ZFAT: variants seen among roughly 807,000 people sequenced by gnomAD.
ZFAT encodes the protein zinc finger protein ZFAT.
A neutral mutation model predicts 117.7 loss-of-function variants in ZFAT; 64 were observed. That is an observed-to-expected ratio of 0.54 (90% CI 0.44 to 0.67). ZFAT has a LOEUF of 0.67. Ranked by LOEUF, ZFAT falls within the 30% of genes least tolerant of loss-of-function variation. ZFAT has a pLI of 0.00. For missense variants in ZFAT, 1,433 were observed against 1,584.5 expected (o/e 0.90, Z 1.62); for synonymous variants, 679 against 615.0 (o/e 1.10, Z -1.54).
chr8:134,568,759 T>TA (rs1824663645), intron 10 of ZFAT, among the ~76,000 whole-genome samples: 1 of 152,234 alleles, frequency 6.6e-6, no homozygotes, highest in African/African-American at 2.4e-5. Flanking sequence ...CAGCAACCAC[T>TA]GCCAGCACCT....
the ZFAT span, among the ~76,000 whole-genome samples, chr8:134,757,680 G>T: frequency 1.3e-5 from 2 of 152,164 alleles, no homozygotes; most frequent in Non-Finnish European, 2.9e-5. Flanking sequence ...GGGTACCAAT[G>T]ATTTGATGGA....
intron 1 of ZFAT, among the ~76,000 whole-genome samples, chr8:134,668,334 C>T (rs1260554527): frequency 6.6e-6 from 1 of 152,336 alleles, no homozygotes; most frequent in Admixed American, 6.5e-5. Context: ...CCTGAGTAGC[C>T]TAACTGGGAG....
At chr8:134,731,834 A>C in the ZFAT span, among the ~76,000 whole-genome samples, 2 of 152,256 alleles carry the variant, frequency 1.3e-5, no homozygotes, top group Non-Finnish European at 2.9e-5. Flanking sequence ...TGGCTCCCAG[A>C]AAGGAAAGGG....
intron 5 of ZFAT, among the ~76,000 whole-genome samples, chr8:134,605,553 CAAAA>C (rs747188059): frequency 3.3e-5 from 3 of 89,612 alleles, no homozygotes; most frequent in African/African-American, 3.8e-5. Flanking sequence ...GACCCCATCT[CAAAA>C]AAAAAAAAAA....
In ZFAT at chr8:134,712,772, C is replaced by G. The variant is rs559353479; in HGVS notation, c.19+73G>C. The stretch of plus-strand genomic sequence containing the variant: ...GCGCACTGCTTCCCGACTCGACGCT[C>G]GAAACGGCTTTCCGCGCGCCGCGCC... On this transcript the variant is annotated intron_variant, in intron 1 of 15. Transcript: ENST00000377838. The G allele has an allele frequency of 7.9e-4, 1,120 of 1,414,494 alleles. 5 individuals carry two copies. In the African/African-American group the frequency reaches 0.013, roughly 17 times the overall value. The allele number at this position is 1,414,494 out of a possible 1,614,324, so 87.6% of individuals were successfully genotyped here.
the ZFAT span, among the ~76,000 whole-genome samples, chr8:134,741,380 T>G: frequency 2.0e-5 from 3 of 152,210 alleles, no homozygotes; most frequent in Admixed American, 6.5e-5. Context: ...TTCTCGGAGT[T>G]GGGATTGTAC....
chr8:134,615,854 T>A lies in ZFAT; in HGVS notation c.449-5199A>T, dbSNP rs187802192. Reference sequence around the variant, plus strand: ...GGCACCATGGTGCCAGGCACCGCACTGAACAGCCTTGAAAATGGTTCTTGG... The same window carrying A: ...GGCACCATGGTGCCAGGCACCGCACAGAACAGCCTTGAAAATGGTTCTTGG... On this transcript the variant is annotated intron_variant, in intron 3 of 15. Transcript: ENST00000377838. Among the ~76,000 whole-genome samples the A allele has an allele frequency of 1.2e-4, 18 of 152,386 alleles. No homozygotes were observed. In the East Asian group the frequency reaches 1.9e-3, roughly 16 times the overall value.
chr8:134,705,575 G>A (rs543579825), intron 1 of ZFAT, among the ~76,000 whole-genome samples: 1 of 151,126 alleles, frequency 6.6e-6, no homozygotes, highest in African/African-American at 2.4e-5. Context: ...TGTTGCCCAG[G>A]CTAGAGTTCA....
intron 2 of ZFAT, chr8:134,639,989 G>A (rs1830491159): frequency 1.1e-5 from 4 of 351,460 alleles, no homozygotes; most frequent in Non-Finnish European, 5.6e-6. Context: ...TGATTTCTAG[G>A]CCCCCGGATG....
At chr8:134,782,356 C>G in the ZFAT span, among the ~76,000 whole-genome samples, 5 of 152,272 alleles carry the variant, frequency 3.3e-5, no homozygotes, top group South Asian at 4.1e-4. Flanking sequence ...CAAGTTTCCA[C>G]CATTCAAAAT....
chr8:134,560,604 C>G (rs1243910348), intron 11 of ZFAT, among the ~76,000 whole-genome samples: 1 of 152,140 alleles, frequency 6.6e-6, no homozygotes, highest in Admixed American at 6.5e-5. Context: ...ACTACACTGC[C>G]TTACATAATG....
Position 134,601,659 on chromosome 8 carries a change from G to A in ZFAT, c.2060C>T (p.Pro687Leu), listed in dbSNP as rs1421681654. 2 of 1,614,206 alleles carry A rather than the reference G, an allele frequency of 1.2e-6. No individual in the cohort carries two copies. Among genetic ancestry groups the A allele is most frequent in the Non-Finnish European group, 1.7e-6 (2 of 1,180,026 alleles). The change falls in exon 6 of 16, where the codon CCA becomes CTA. Residue 687 changes from proline (P) to leucine (L), a missense_variant. By Grantham distance (98) the Pro-to-Leu change is moderately conservative (BLOSUM62 -3). Coordinates refer to ENST00000377838, the MANE Select transcript of ZFAT (RefSeq NM_020863.4). ...GATGGTGTCCCCACCACCAGCTACTGGAGGGAGGAGGTCTGAGGCCTCAGC... is the reference window on the plus strand; with the variant it reads ...GATGGTGTCCCCACCACCAGCTACTAGAGGGAGGAGGTCTGAGGCCTCAGC... Reference protein sequence around the residue: ...NPAEASDLLPPVAGGGDTITH... With the variant: ...NPAEASDLLPLVAGGGDTITH...
At chr8:134,527,640 C>T (rs375988729) in intron 12 of ZFAT, among the ~76,000 whole-genome samples, 99 of 152,320 alleles carry the variant, frequency 6.5e-4, no homozygotes, top group African/African-American at 2.3e-3. Context: ...TGGAGGGTTC[C>T]TGGTGACATG....
chr8:134,684,495 C>T (rs1377960857), intron 1 of ZFAT, among the ~76,000 whole-genome samples: 5 of 152,068 alleles, frequency 3.3e-5, no homozygotes, highest in African/African-American at 9.7e-5. Flanking sequence ...CATTCAAGAC[C>T]GAGATCAAGG....
At chr8:134,604,768 A>G (rs1257100709) in intron 5 of ZFAT, among the ~76,000 whole-genome samples, 1 of 152,214 alleles carries the variant, frequency 6.6e-6, no homozygotes, top group East Asian at 1.9e-4. Context: ...TACAATCCAC[A>G]TGATGTAATT....
intron 12 of ZFAT, among the ~76,000 whole-genome samples, chr8:134,528,068 C>G (rs1213270157): frequency 6.6e-6 from 1 of 150,708 alleles, no homozygotes; most frequent in Non-Finnish European, 1.5e-5. Context: ...AAGAGATGAC[C>G]ACGCCTCTTC....
the ZFAT span, among the ~76,000 whole-genome samples, chr8:134,817,002 A>C: frequency 6.6e-6 from 1 of 151,850 alleles, no homozygotes; most frequent in Non-Finnish European, 1.5e-5. Context: ...AAAAAAGTAT[A>C]CCATTTACAA....
At chr8:134,759,398 G>A in the ZFAT span, among the ~76,000 whole-genome samples, 2 of 152,236 alleles carry the variant, frequency 1.3e-5, no homozygotes, top group South Asian at 4.2e-4. Context: ...TAAATCCCAG[G>A]TTACCTCTTC....
the ZFAT span, among the ~76,000 whole-genome samples, chr8:134,729,488 C>T: frequency 0.34 from 51,895 of 152,052 alleles, 9,185 homozygotes; most frequent in South Asian, 0.44. Context: ...CCTGCCACCA[C>T]GCCCAGCTAA....
Sources: gnomAD v4.1 joint callset for allele counts (sites outside exome capture counted in the v4.1 genomes callset) on GRCh38, gnomAD v4.1.1 for gene constraint, MANE v1.5 for transcripts, NCBI Gene and HGNC (gene_info 2026-07-23, HGNC 2026-07-21) for gene names.